Variants in ANKFN1 observed in about 807,000 individuals in gnomAD.
ANKFN1 encodes the protein ankyrin repeat and fibronectin type-III domain-containing protein 1.
ANKFN1 carries 74 observed loss-of-function variants against 108.7 expected under a neutral mutation model. The observed-to-expected ratio is 0.68, with a 90% CI of 0.56 to 0.83. The LOEUF is 0.83. Among genes scored for constraint, ANKFN1 ranks in the 40% least tolerant of loss-of-function variants. The pLI is 0.00. For synonymous variants in ANKFN1, 547 were observed against 516.2 expected (o/e 1.06, Z -0.81); for missense variants, 1,505 against 1,382.3 (o/e 1.09, Z -1.41).
At chr17:56,385,928 C>G (rs1245007298) in intron 8 of ANKFN1, among the ~76,000 whole-genome samples, 1 of 152,124 alleles carries the variant, frequency 6.6e-6, no homozygotes, top group African/African-American at 2.4e-5. Context: ...CCTCAGGGAT[C>G]TAGAACTAGA....
intron 6 of ANKFN1, among the ~76,000 whole-genome samples, chr17:56,371,164 A>G (rs1230969494): frequency 6.6e-6 from 1 of 152,182 alleles, no homozygotes; most frequent in African/African-American, 2.4e-5. Context: ...GTGTGACAGT[A>G]TTTAGAGTAC....
At chr17:56,314,522 A>G (rs879521261) in intron 3 of ANKFN1, among the ~76,000 whole-genome samples, 2 of 152,126 alleles carry the variant, frequency 1.3e-5, no homozygotes, top group African/African-American at 2.4e-5. Context: ...GCACCTTTTT[A>G]TGTGCTTATT....
intron 2 of ANKFN1, among the ~76,000 whole-genome samples, chr17:56,223,866 C>A (rs555002115): frequency 6.6e-6 from 1 of 152,344 alleles, no homozygotes; most frequent in East Asian, 1.9e-4. Context: ...GGATTGGGCA[C>A]GTTCTCTTCC....
intron 15 of ANKFN1, chr17:56,471,769 G>A (rs1050603883): frequency 6.6e-6 from 1 of 152,218 alleles, no homozygotes; most frequent in Admixed American, 6.5e-5. Flanking sequence ...ATGTAATGCT[G>A]AGTGAAAGAA....
chr17:56,440,931 CTATA>C (rs1335713275), intron 9 of ANKFN1, among the ~76,000 whole-genome samples: 3 of 150,696 alleles, frequency 2.0e-5, no homozygotes, highest in African/African-American at 7.3e-5. Context: ...AAAAAAGAAA[CTATA>C]TATGGTGGAG....
At chr17:56,219,583 G>C (rs1915694401) in intron 2 of ANKFN1, among the ~76,000 whole-genome samples, 1 of 152,190 alleles carries the variant, frequency 6.6e-6, no homozygotes, top group Non-Finnish European at 1.5e-5. Flanking sequence ...TAATATTCAA[G>C]ATAGAATGTA....
chr17:56,155,306 C>A (rs1479873833), intron 1 of ANKFN1, among the ~76,000 whole-genome samples: 1 of 152,188 alleles, frequency 6.6e-6, no homozygotes, highest in Non-Finnish European at 1.5e-5. Context: ...GCAGTACTGT[C>A]ATTTGTTCTG....
intron 3 of ANKFN1, among the ~76,000 whole-genome samples, chr17:56,285,168 T>C (rs2044182588): frequency 6.6e-6 from 1 of 152,162 alleles, no homozygotes; most frequent in African/African-American, 2.4e-5. Flanking sequence ...ACCAATGTCA[T>C]TTAGGGTGAC....
intron 4 of ANKFN1, among the ~76,000 whole-genome samples, chr17:56,142,879 A>T (rs928650784): frequency 1.3e-5 from 2 of 152,084 alleles, no homozygotes; most frequent in Non-Finnish European, 2.9e-5. Flanking sequence ...CACACTCCAC[A>T]CAAGCCATTC....
In ANKFN1 at chr17:56,307,008, G is replaced by A. The variant is rs536358277; in HGVS notation, c.54-19213G>A. On this transcript the variant is annotated intron_variant, in intron 3 of 20. Transcript: ENST00000682825. ...TTCCCTATTTAATAAATGGTGCTGG[G>A]AAAACTGGCTAGCCATATGTAGAAA... 4.8e-4 allele frequency among the ~76,000 whole-genome samples: 73 copies of A among 152,082 alleles called. No homozygotes were observed. The East Asian group carries it at 0.013, about 28-fold the overall frequency.
intron 1 of ANKFN1, among the ~76,000 whole-genome samples, chr17:56,170,051 C>T (rs1361956256): frequency 6.6e-6 from 1 of 152,202 alleles, no homozygotes; most frequent in African/African-American, 2.4e-5. Context: ...TTGCAAGCCC[C>T]CATCCCAGGT....
At chr17:56,186,332 G>A (rs1912203854) in intron 1 of ANKFN1, among the ~76,000 whole-genome samples, 2 of 143,566 alleles carry the variant, frequency 1.4e-5, no homozygotes, top group South Asian at 4.3e-4. Flanking sequence ...CATCTGAATA[G>A]CATTATAGAA....
At chr17:56,224,378 T>A (rs147249729) in intron 2 of ANKFN1, among the ~76,000 whole-genome samples, 8 of 152,288 alleles carry the variant, frequency 5.3e-5, no homozygotes, top group Non-Finnish European at 7.4e-5. Flanking sequence ...AAATTCAGAA[T>A]AAGAGTACAG....
chr17:56,223,395 A>C (rs976766010), intron 2 of ANKFN1, among the ~76,000 whole-genome samples: 1 of 152,196 alleles, frequency 6.6e-6, no homozygotes, highest in Non-Finnish European at 1.5e-5. Context: ...TTCGATTACA[A>C]ATATTTTTAA....
Position 56,089,633 on chromosome 17 carries a change from A to G in ANKFN1, c.288+43308A>G, listed in dbSNP as rs115338418. ...TTTTTCTCCCCCTAATATAAATTCA[A>G]TTCAATTAAATAGATGTATTTTGCG... On this transcript the variant is annotated intron_variant, in intron 4 of 12. Transcript: ENST00000635860. Among the ~76,000 whole-genome samples the G allele has an allele frequency of 4.9e-3, 737 of 151,432 alleles. 23 individuals carry two copies. Among genetic ancestry groups the G allele is most frequent in the African/African-American group, 0.017 (708 of 41,326 alleles).
chr17:56,466,229 CAA>C (rs57013545), intron 14 of ANKFN1, 125 bp from the exon 15 acceptor site: 1,846 of 687,932 alleles, frequency 2.7e-3, no homozygotes, highest in South Asian at 3.1e-3. Context: ...GGTTTAAGTG[CAA>C]AAAAAAAAAA....
chr17:56,179,107 T>C (rs146773758), intron 1 of ANKFN1, among the ~76,000 whole-genome samples: 3 of 152,224 alleles, frequency 2.0e-5, no homozygotes, highest in Non-Finnish European at 4.4e-5. Context: ...TTGAGGGTGG[T>C]GAGATGTCAT....
intron 3 of ANKFN1, among the ~76,000 whole-genome samples, chr17:56,243,340 G>A (rs1176865785): frequency 1.3e-5 from 2 of 152,052 alleles, no homozygotes; most frequent in Admixed American, 6.6e-5. Flanking sequence ...ACCTTTAATA[G>A]GGGATTATGC....
intron 2 of ANKFN1, among the ~76,000 whole-genome samples, chr17:56,214,836 C>T (rs927257629): frequency 1.3e-5 from 2 of 152,110 alleles, no homozygotes; most frequent in African/African-American, 4.8e-5. Flanking sequence ...CTGTTGTTGT[C>T]CTCTGTGGAA....
Sources: allele counts gnomAD v4.1 joint callset (sites outside exome capture counted in the v4.1 genomes callset), GRCh38; gene constraint gnomAD v4.1.1; transcripts MANE v1.5; gene names NCBI Gene and HGNC (gene_info 2026-07-23, HGNC 2026-07-21).